Variants in NEBL observed in about 807,000 individuals in gnomAD.
The protein encoded by NEBL is nebulette.
In NEBL, 122 loss-of-function variants were observed where a neutral mutation model predicts 140.2. The ratio of observed to expected loss-of-function variants is 0.87; its 90% CI spans 0.75 to 1.01. The LOEUF is 1.01. NEBL is among the 50% of genes least tolerant of loss of function. The probability of loss-of-function intolerance (pLI) is 0.00; values close to 1 mark genes in which losing one functional copy is unlikely to be tolerated. For missense variants in NEBL, 1,365 were observed against 1,231.3 expected (o/e 1.11, Z -1.62); for synonymous variants, 436 against 398.9 (o/e 1.09, Z -1.11).
At chr10:20,940,192 A>T (rs1245534169) in intron 4 of NEBL, among the ~76,000 whole-genome samples, 2 of 152,170 alleles carry the variant, frequency 1.3e-5, no homozygotes, top group South Asian at 2.1e-4. Flanking sequence ...GAAGTAAAGC[A>T]CTCCTCAGCA....
chr10:20,878,036 C>T (rs1845672059), intron 5 of NEBL, among the ~76,000 whole-genome samples: 1 of 152,188 alleles, frequency 6.6e-6, no homozygotes. Context: ...CACTTCACTA[C>T]AGTAGAGGAT....
rs148808962 is a variant in NEBL at position 20,873,072 on chromosome 10, T to G, written c.481-3231A>C. Among the ~76,000 whole-genome samples the G allele has an allele frequency of 4.9e-3, 742 of 152,318 alleles. 9 individuals are homozygous for G. Among genetic ancestry groups the G allele is most frequent in the African/African-American group, 0.017 (707 of 41,570 alleles). ...GGGGTCTGAATCAGGACCCGTTTCC[T>G]GTAACACTAGGTTTAAGGGAAGCTC... On this transcript the variant is annotated intron_variant, in intron 5 of 27. Coordinates refer to ENST00000377122, the MANE Select transcript of NEBL (RefSeq NM_006393.3).
intron 26 of NEBL, among the ~76,000 whole-genome samples, chr10:20,799,118 A>T (rs1283540904): frequency 6.6e-6 from 1 of 152,208 alleles, no homozygotes; most frequent in African/African-American, 2.4e-5. Context: ...TTATAAAGAA[A>T]TAATTCATTT....
At chr10:20,978,383 T>C (rs1836888603) in intron 3 of NEBL, among the ~76,000 whole-genome samples, 1 of 151,770 alleles carries the variant, frequency 6.6e-6, no homozygotes, top group Non-Finnish European at 1.5e-5. Context: ...TTTGTGAGTC[T>C]ATCCTATTTA....
At position 20,878,790 on chromosome 10, in the gene NEBL, A is replaced by C. The variant is rs573470502; in HGVS notation, c.480+2004T>G. Among the ~76,000 whole-genome samples the C allele has an allele frequency of 4.7e-4, 72 of 152,336 alleles. 1 individual carries two copies. The South Asian group carries it at 0.011, about 24-fold the overall frequency. The stretch of plus-strand genomic sequence containing the variant: ...TAAGTAAACACAGCCTTCTCCCATA[A>C]GTACACAGTATTGAATGAAGGAGAA... On this transcript the variant is annotated intron_variant, in intron 5 of 27. Transcript: ENST00000377122.
At chr10:21,102,335 T>C (rs1234713952) in intron 2 of NEBL, among the ~76,000 whole-genome samples, 1 of 152,230 alleles carries the variant, frequency 6.6e-6, no homozygotes, top group Admixed American at 6.5e-5. Flanking sequence ...TTTTGATATA[T>C]GCATGTCCAT....
At chr10:21,188,728 G>A (rs887945981) in intron 3 of NEBL, among the ~76,000 whole-genome samples, 4 of 151,708 alleles carry the variant, frequency 2.6e-5, no homozygotes, top group Admixed American at 1.3e-4. Flanking sequence ...AGCCTCCCGG[G>A]TACAGGCCCC....
At position 21,050,640 on chromosome 10, in the gene NEBL, G is replaced by A. The variant is rs535437414; in HGVS notation, c.165-30439C>T. On this transcript the variant is annotated intron_variant, in intron 2 of 6. Coordinates refer to the NEBL transcript ENST00000417816. ...TGGGCGTTTGGCTTAATTTGACTGC[G>A]TAGATTCCAAGGGCTTTTGAAGATG... Among the ~76,000 whole-genome samples, 314 of 152,280 alleles carry A rather than the reference G, an allele frequency of 2.1e-3. 10 individuals carry two copies. The highest frequency in any genetic ancestry group is 8.8e-4 in the Non-Finnish European group (60 of 68,016).
chr10:20,836,867 A>G (rs1401800308), intron 13 of NEBL, among the ~76,000 whole-genome samples: 1 of 151,894 alleles, frequency 6.6e-6, no homozygotes, highest in Non-Finnish European at 1.5e-5. Context: ...TCTTTAGCTG[A>G]ACCAAGAAGA....
At chr10:21,003,976 T>A (rs1033554424) in intron 3 of NEBL, among the ~76,000 whole-genome samples, 2 of 152,250 alleles carry the variant, frequency 1.3e-5, no homozygotes, top group African/African-American at 4.8e-5. Flanking sequence ...AATCCATGAA[T>A]GTATCAAATG....
chr10:20,788,286 T>C (rs1473989495), intron 26 of NEBL, among the ~76,000 whole-genome samples: 1 of 152,166 alleles, frequency 6.6e-6, no homozygotes, highest in Non-Finnish European at 1.5e-5. Context: ...GTAAAACTTA[T>C]AGTCATATGT....
At chr10:20,935,680 T>C (rs917561744) in intron 4 of NEBL, among the ~76,000 whole-genome samples, 1 of 152,198 alleles carries the variant, frequency 6.6e-6, no homozygotes, top group Non-Finnish European at 1.5e-5. Flanking sequence ...GTTTTCTCCA[T>C]CCCATCTTAA....
chr10:20,983,137 A>C (rs543030161), intron 3 of NEBL, among the ~76,000 whole-genome samples: 43 of 152,328 alleles, frequency 2.8e-4, no homozygotes, highest in African/African-American at 1.0e-3. Flanking sequence ...GTGAGACCTT[A>C]GCAGCTATCT....
At chr10:21,098,810 C>T (rs976555243) in intron 2 of NEBL, among the ~76,000 whole-genome samples, 1 of 152,186 alleles carries the variant, frequency 6.6e-6, no homozygotes, top group African/African-American at 2.4e-5. Context: ...TGCCTGTAGC[C>T]ACAGGTTTAG....
At chr10:20,941,710 T>G (rs1834879423) in intron 4 of NEBL, among the ~76,000 whole-genome samples, 1 of 151,994 alleles carries the variant, frequency 6.6e-6, no homozygotes, top group Non-Finnish European at 1.5e-5. Context: ...AAAACCTCCT[T>G]AATTAAGCTA....
intron 3 of NEBL, among the ~76,000 whole-genome samples, chr10:21,000,202 G>A: frequency 8.8e-6 from 1 of 113,328 alleles, no homozygotes; most frequent in African/African-American, 3.3e-5. Context: ...GGGGAATAGA[G>A]GGGGTATAGA....
chr10:21,202,712 C>T (rs1841760835), intron 3 of NEBL, among the ~76,000 whole-genome samples: 1 of 152,102 alleles, frequency 6.6e-6, no homozygotes. Context: ...TCGCCCGTCT[C>T]GGCCTCCCAA....
intron 4 of NEBL, among the ~76,000 whole-genome samples, chr10:20,916,885 G>A (rs1409721828): frequency 6.6e-6 from 1 of 152,060 alleles, no homozygotes; most frequent in Non-Finnish European, 1.5e-5. Context: ...TTGACATGGG[G>A]AAAAAAGTTA....
Position 21,221,498 on chromosome 10 carries a change from A to ATTTCTTTC in NEBL, n.348+26415_348+26422dup, listed in dbSNP as rs10656407. 6.5e-3 allele frequency among the ~76,000 whole-genome samples: 980 copies of ATTTCTTTC among 150,180 alleles called. 9 individuals are homozygous for ATTTCTTTC. Among genetic ancestry groups the ATTTCTTTC allele is most frequent in the African/African-American group, 0.022 (892 of 40,616 alleles). The stretch of plus-strand genomic sequence containing the variant: ...ATTCTACAAGAAAAACAGATGTCTG[A>ATTTCTTTC]TTTCTTTCTTTCTTTCTTTTTTTTT... On this transcript the variant is annotated intron_variant and non_coding_transcript_variant, in intron 3 of 8. Coordinates refer to the NEBL transcript ENST00000675702.
Sources: gnomAD v4.1 joint callset for allele counts (sites outside exome capture counted in the v4.1 genomes callset) on GRCh38, gnomAD v4.1.1 for gene constraint, MANE v1.5 for transcripts, NCBI Gene and HGNC (gene_info 2026-07-23, HGNC 2026-07-21) for gene names.